The following ITSN2 variants were observed in gnomAD, a reference collection of about 807,000 sequenced individuals.
ITSN2 encodes the protein intersectin 2.
Under a neutral mutation model 243.7 loss-of-function variants are expected in ITSN2, and 156 were observed. The ratio of observed to expected loss-of-function variants is 0.64; its 90% CI spans 0.56 to 0.73. ITSN2 has a LOEUF of 0.73. Among genes scored for constraint, ITSN2 ranks in the 30% least tolerant of loss-of-function variants. The probability of loss-of-function intolerance (pLI) is 0.00; values close to 1 mark genes in which losing one functional copy is unlikely to be tolerated. For synonymous variants in ITSN2, 703 were observed against 699.9 expected (o/e 1.00, Z -0.07); for missense variants, 1,801 against 1,996.1 (o/e 0.90, Z 1.86).
Position 24,252,349 on chromosome 2 carries a change from T to C in ITSN2, c.3116A>G (p.Gln1039Arg), listed in dbSNP as rs1311948804. The C allele has an allele frequency of 6.2e-7, 1 of 1,605,630 alleles. No homozygotes were observed. Residue 1039 changes from glutamine (Q) to arginine (R), a missense_variant, in exon 25 of 40, where the codon CAA becomes CGA. Coordinates refer to ENST00000355123, the MANE Select transcript of ITSN2 (RefSeq NM_006277.3). ...FPSNYVKPKD[Q>R]ESFGSASKSG... ...TTGATTTTAATATCAAAATACCTCT[T>C]GATCCTTTGGTTTGACATAGTTTGA...
At chr2:24,255,650 G>A (rs1674923322) in intron 23 of ITSN2, among the ~76,000 whole-genome samples, 1 of 143,050 alleles carries the variant, frequency 7.0e-6, no homozygotes, top group Non-Finnish European at 1.6e-5. Context: ...AAAAGGGCTG[G>A]GCATGGTGGC....
At chr2:24,251,897 T>C (rs1162290761) in intron 25 of ITSN2, among the ~76,000 whole-genome samples, 1 of 152,148 alleles carries the variant, frequency 6.6e-6, no homozygotes, top group East Asian at 1.9e-4. Context: ...GTAAAGTTCC[T>C]GAAACCAAAA....
At chr2:24,240,959 A>C (rs1672660777) in intron 29 of ITSN2, 2 of 152,146 alleles carry the variant, frequency 1.3e-5, no homozygotes, top group Non-Finnish European at 2.9e-5. Context: ...AAAAGAAGTA[A>C]ATTCTTATGT....
At chr2:24,292,839 C>A (rs1398391496) in intron 15 of ITSN2, among the ~76,000 whole-genome samples, 4 of 152,200 alleles carry the variant, frequency 2.6e-5, no homozygotes, top group African/African-American at 9.6e-5. Context: ...ATTTGTCTTG[C>A]TCCTTTGCCT....
Position 24,275,622 on chromosome 2 carries a change from T to C in ITSN2, c.2081+91A>G, listed in dbSNP as rs3754859. 3.7e-4 allele frequency: 387 copies of C among 1,058,248 alleles called. 7 individuals are homozygous for C. The East Asian group carries it at 9.6e-3, about 26-fold the overall frequency. The allele number at this position is 1,058,248 out of a possible 1,614,324, so 65.6% of individuals were successfully genotyped here. Reference sequence around the variant, plus strand: ...GAATCTGATTAGGATAATCCCTTTATTTTCCTTAAATTTTCATAAACTAAA... The same window carrying C: ...GAATCTGATTAGGATAATCCCTTTACTTTCCTTAAATTTTCATAAACTAAA... On this transcript the variant is annotated intron_variant, in intron 18 of 39. Transcript: ENST00000355123.
At position 24,285,679 on chromosome 2, in the gene ITSN2, C is replaced by G. The variant is rs529363448; in HGVS notation, c.1863+533G>C. Among the ~76,000 whole-genome samples, 343 of 152,320 alleles carry G rather than the reference C, an allele frequency of 2.3e-3. 1 individual carries two copies. Among genetic ancestry groups the G allele is most frequent in the African/African-American group, 8.0e-3 (333 of 41,566 alleles). On this transcript the variant is annotated intron_variant, in intron 16 of 39. Transcript: ENST00000355123. ...TGCAGACAGTCTATGTTTTGGACAT[C>G]TGCTCTGCCACTGCGGCAAACAATG...
chr2:24,205,531 C>T (rs1668776222), intron 37 of ITSN2: 2 of 467,664 alleles, frequency 4.3e-6, no homozygotes, highest in South Asian at 2.1e-5. Context: ...CCTACTCATC[C>T]TTCAAGATGC....
At chr2:24,275,625 T>A in intron 18 of ITSN2, 88 bp downstream of exon 18, 1 of 1,074,068 alleles carries the variant, frequency 9.3e-7, no homozygotes, top group Non-Finnish European at 1.3e-6. Context: ...CCCTTTATTT[T>A]CCTTAAATTT....
chr2:24,253,641 G>A (rs1674642790), intron 24 of ITSN2, among the ~76,000 whole-genome samples: 1 of 152,190 alleles, frequency 6.6e-6, no homozygotes, highest in African/African-American at 2.4e-5. Context: ...ACAACTGTAT[G>A]CTCCATTCTA....
intron 3 of ITSN2, among the ~76,000 whole-genome samples, chr2:24,314,376 T>C (rs934774348): frequency 2.0e-5 from 3 of 152,166 alleles, no homozygotes; most frequent in Non-Finnish European, 4.4e-5. Context: ...AGTAGATGGA[T>C]TCCAAAATCA....
At chr2:24,330,358 C>T (rs1419224380) in intron 1 of ITSN2, 2 of 518,718 alleles carry the variant, frequency 3.9e-6, no homozygotes, top group Non-Finnish European at 7.3e-6. Context: ...CATGCCACTG[C>T]ATCCTGTGCC....
intron 2 of ITSN2, among the ~76,000 whole-genome samples, chr2:24,315,425 C>T (rs985520993): frequency 6.6e-6 from 1 of 152,158 alleles, no homozygotes; most frequent in Non-Finnish European, 1.5e-5. Context: ...GTCTATTGAA[C>T]AAGTGCTATA....
chr2:24,339,577 G>A (rs1054015218), intron 1 of ITSN2, among the ~76,000 whole-genome samples: 6 of 152,168 alleles, frequency 3.9e-5, no homozygotes, highest in South Asian at 4.1e-4. Flanking sequence ...GTGGGGTAGG[G>A]AGGAAAGAGG....
chr2:24,302,495 G>C (rs980773334), intron 9 of ITSN2, among the ~76,000 whole-genome samples: 1 of 152,120 alleles, frequency 6.6e-6, no homozygotes, highest in East Asian at 1.9e-4. Flanking sequence ...ACCTGGGCCC[G>C]GCCAATTTTT....
At chr2:24,358,182 T>C (rs1275314856) in intron 1 of ITSN2, among the ~76,000 whole-genome samples, 1 of 152,204 alleles carries the variant, frequency 6.6e-6, no homozygotes. Flanking sequence ...GTGCTGGGAT[T>C]ACAGGCATGA....
intron 15 of ITSN2, among the ~76,000 whole-genome samples, chr2:24,289,016 T>C (rs538879519): frequency 6.6e-6 from 1 of 152,354 alleles, no homozygotes; most frequent in South Asian, 2.1e-4. Context: ...CTGTTCTGAT[T>C]ACTATAGCTT....
intron 1 of ITSN2, chr2:24,330,525 GA>G: frequency 1.4e-5 from 10 of 730,454 alleles, no homozygotes; most frequent in East Asian, 5.2e-5. Context: ...GCCCAAGCCT[GA>G]AAAGGCCCCT....
chr2:24,352,520 A>C (rs1170812127), intron 1 of ITSN2, among the ~76,000 whole-genome samples: 1 of 152,188 alleles, frequency 6.6e-6, no homozygotes, highest in Non-Finnish European at 1.5e-5. Flanking sequence ...AAGCATTAAG[A>C]CCTAAAAGCC....
chr2:24,234,750 C>T (rs913678315), intron 29 of ITSN2, among the ~76,000 whole-genome samples: 1 of 152,152 alleles, frequency 6.6e-6, no homozygotes, highest in Non-Finnish European at 1.5e-5. Flanking sequence ...AGATGCTTTG[C>T]ATCATACGTT....
Sources: gnomAD v4.1 joint callset for allele counts (sites outside exome capture counted in the v4.1 genomes callset) on GRCh38, gnomAD v4.1.1 for gene constraint, MANE v1.5 for transcripts, NCBI Gene and HGNC (gene_info 2026-07-23, HGNC 2026-07-21) for gene names.